The following KMT2A variants were observed in gnomAD, a reference collection of about 807,000 sequenced individuals.
The protein encoded by KMT2A is lysine methyltransferase 2A.
KMT2A carries 16 observed loss-of-function variants against 345.3 expected under a neutral mutation model. That is an observed-to-expected ratio of 0.05 (90% CI 0.03 to 0.07). The LOEUF (loss-of-function observed/expected upper bound fraction) is 0.07, where lower values mean the gene tolerates loss of function less well. Ranked by LOEUF, KMT2A falls within the 10% of genes least tolerant of loss-of-function variation. The pLI, the probability that KMT2A is intolerant of heterozygous loss-of-function variation, is 1.00. For missense variants in KMT2A, 3,272 were observed against 4,841.6 expected, an observed-to-expected ratio of 0.68 and a Z score of 9.62; for synonymous variants, 1,599 against 1,778.6, an observed-to-expected ratio of 0.90 and a Z score of 2.54.
Position 118,505,041 on chromosome 11 carries a change from T to C in KMT2A, c.9149T>C (p.Val3050Ala), listed in dbSNP as rs781959523. The change falls in exon 27 of 36, where the codon GTG becomes GCG. Residue 3050 changes from valine to alanine, a missense_variant. Coordinates refer to ENST00000534358, the MANE Select transcript of KMT2A (RefSeq NM_001197104.2). The surrounding 1 kb of genome is among the most constrained non-coding windows in gnomAD (Gnocchi z 4.6). ...GTTCCCATCCAGAACCAGAAGTATG[T>C]GCCCAATTCTACTGATAGTCCTGGC... ...PTVPIQNQKY[V>A]PNSTDSPGPS... 6.2e-6 allele frequency: 10 copies of C among 1,614,020 alleles called. No individual in the cohort carries two copies. The highest frequency in any genetic ancestry group is 5.5e-5 in the South Asian group (5 of 91,080).
chr11:118,445,061 T>C (rs1250407096), intron 1 of KMT2A, among the ~76,000 whole-genome samples: 1 of 152,078 alleles, frequency 6.6e-6, no homozygotes, highest in East Asian at 1.9e-4. Flanking sequence ...GTTATAATCT[T>C]TTTTTTTCAT....
intron 3 of KMT2A, among the ~76,000 whole-genome samples, chr11:118,474,810 A>C (rs1458709982): frequency 6.6e-6 from 1 of 152,198 alleles, no homozygotes; most frequent in African/African-American, 2.4e-5. Flanking sequence ...GCAATAGATA[A>C]TATGTTTTTG....
chr11:118,501,576 G>C, intron 25 of KMT2A, 96 bp from the exon 26 acceptor site: 1 of 1,063,436 alleles, frequency 9.4e-7, no homozygotes, highest in Non-Finnish European at 1.4e-6. Flanking sequence ...TTTGCTTCTA[G>C]TTTTACATTT....
Position 118,505,343 on chromosome 11 carries a change from T to C in KMT2A, c.9451T>C (p.Ser3151Pro), listed in dbSNP as rs1555047693. The C allele has an allele frequency of 6.2e-7, 1 of 1,614,068 alleles. No homozygotes were observed. The highest frequency in any genetic ancestry group is 1.3e-5 in the African/African-American group (1 of 74,926). The change falls in exon 27 of 36, where the codon TCT becomes CCT. Residue 3151 changes from serine to proline, a missense_variant. Ser to Pro is a moderately conservative substitution (Grantham distance 74, BLOSUM62 -1). This residue lies in a region of KMT2A where 748 missense variants were observed against 922.2 expected (regional missense o/e 0.81). Transcript: ENST00000534358. The surrounding 1 kb of genome is among the most constrained non-coding windows in gnomAD (Gnocchi z 4.6). The stretch of plus-strand genomic sequence containing the variant: ...GCCAACTTCTCAATCTTTGTTCCCT[T>C]CTGCTAGCAAAGGATTGCTACCCAT... ...SLPTSQSLFP[S>P]ASKGLLPMSH...
At position 118,484,958 on chromosome 11, in the gene KMT2A, A is replaced by G. The variant is rs1555040470; in HGVS notation, c.4315A>G (p.Ser1439Gly). Residue 1439 changes from serine (S) to glycine (G), a missense_variant, in exon 10 of 36, where the codon AGT becomes GGT. Around this residue, in one of 27 missense-constraint regions of KMT2A, gnomAD observed 120 missense variants for 280.4 expected, o/e 0.43. Transcript: ENST00000534358. The surrounding 1 kb of genome is among the most constrained non-coding windows in gnomAD (Gnocchi z 4.1). ...CAGGGTGGTTTGCTTTCTCTGTGCC[A>G]GTAGTGGGCATGTAGAGGTAAGGCA... The part of the protein sequence containing the change: ...TPRVVCFLCA[S>G]SGHVEFVYCQ... 6.2e-7 allele frequency: 1 copy of G among 1,608,596 alleles called. No individual in the cohort carries two copies.
In KMT2A at chr11:118,451,776, C is replaced by T. The variant is rs1555029031; in HGVS notation, c.432+14832C>T. Among the ~76,000 whole-genome samples the T allele has an allele frequency of 2.0e-5, 3 of 151,692 alleles. No individual in the cohort carries two copies. In the South Asian group the frequency reaches 6.2e-4, roughly 32 times the overall value. On this transcript the variant is annotated intron_variant, in intron 1 of 35. Coordinates refer to ENST00000534358, the MANE Select transcript of KMT2A (RefSeq NM_001197104.2). ...CAAAGTGCTGGGATTATAGGTGCGA[C>T]CCACCATGCCCAGCCTCTCATTCTT...
chr11:118,468,647 A>G lies in KMT2A; in HGVS notation c.433-128A>G, dbSNP rs1379636283. 7 of 692,064 alleles carry G rather than the reference A, an allele frequency of 1.0e-5. No homozygotes were observed. The African/African-American group carries it at 1.2e-4, about 12-fold the overall frequency. 42.9% of individuals were successfully genotyped at this position (692,064 alleles called of 1,614,324 possible). A position where few individuals can be genotyped will look rare whatever the true frequency, so the allele number is the denominator to read the frequency against. On this transcript the variant is annotated intron_variant, in intron 1 of 35. Transcript: ENST00000534358. ...TTAGTTATTTTATAGTATCCATTGG[A>G]ATGATGATAATTAATATATAAAGGC...
chr11:118,517,971 A>G (rs1354481557), intron 31 of KMT2A, among the ~76,000 whole-genome samples: 1 of 152,134 alleles, frequency 6.6e-6, no homozygotes, highest in African/African-American at 2.4e-5. Flanking sequence ...TTCATCTGCT[A>G]TTTCCTCTGC....
At chr11:118,499,239 C>G in intron 22 of KMT2A, 64 bp from the exon 23 acceptor site, 2 of 1,003,944 alleles carry the variant, frequency 2.0e-6, no homozygotes. Context: ...CTGAGACAGT[C>G]AGGATCATAA....
rs1950379661 is a variant in KMT2A at position 118,494,864 on chromosome 11, C to G, written c.5363+97C>G. On this transcript the variant is annotated intron_variant, in intron 18 of 35. Transcript: ENST00000534358. This position sits in a 1 kb window ranked among gnomAD's most constrained non-coding sequence, Gnocchi z 5.8. ...TGCAGTTTTCCAAAAGGTTTTAATA[C>G]TAGAAATGAATTGGTTGAAATGCCT... The G allele has an allele frequency of 6.4e-6, 6 of 935,310 alleles. No individual in the cohort carries two copies. In the South Asian group the frequency reaches 8.8e-5, roughly 14 times the overall value. 57.9% of individuals were successfully genotyped at this position (935,310 alleles called of 1,614,324 possible). A position where few individuals can be genotyped will look rare whatever the true frequency, so the allele number is the denominator to read the frequency against.
At chr11:118,439,680 A>G (rs1259770987) in intron 1 of KMT2A, among the ~76,000 whole-genome samples, 1 of 152,226 alleles carries the variant, frequency 6.6e-6, no homozygotes, top group Non-Finnish European at 1.5e-5. Context: ...TTCAAATAGG[A>G]TCATATTTAT....
intron 3 of KMT2A, among the ~76,000 whole-genome samples, chr11:118,474,635 A>G (rs78316802): frequency 2.0e-5 from 3 of 152,340 alleles, no homozygotes; most frequent in East Asian, 3.9e-4. Flanking sequence ...GGTTGGGACT[A>G]TATCACAGAG....
intron 1 of KMT2A, chr11:118,439,056 C>G (rs1555139499): frequency 1.9e-6 from 1 of 513,776 alleles, no homozygotes; most frequent in East Asian, 5.5e-5. Flanking sequence ...GTTGGAGAAC[C>G]AAAGGCCACA....
chr11:118,519,077 C>CAAAAA (rs11443977), intron 31 of KMT2A, among the ~76,000 whole-genome samples: 11 of 66,408 alleles, frequency 1.7e-4, no homozygotes, highest in South Asian at 8.3e-4. Context: ...GACTCCATCT[C>CAAAAA]AAAAAAAAAA....
At position 118,490,463 on chromosome 11, in the gene KMT2A, A is replaced by G. The variant is rs1265292629; in HGVS notation, c.4696+214A>G. 2.6e-5 allele frequency among the ~76,000 whole-genome samples: 4 copies of G among 152,214 alleles called. No homozygotes were observed. The highest frequency in any genetic ancestry group is 9.6e-5 in the African/African-American group (4 of 41,466). On this transcript the variant is annotated intron_variant, in intron 13 of 35. Coordinates refer to ENST00000534358, the MANE Select transcript of KMT2A (RefSeq NM_001197104.2). This position sits in a 1 kb window ranked among gnomAD's most constrained non-coding sequence, Gnocchi z 4.2. The stretch of plus-strand genomic sequence containing the variant: ...TTAAGGGGACTTTTCATTATAACTA[A>G]CCACAAAGAAATCCTCTAAGCTAGT...
chr11:118,477,231 G>A (rs574151523), intron 4 of KMT2A, among the ~76,000 whole-genome samples: 2 of 152,314 alleles, frequency 1.3e-5, no homozygotes, highest in African/African-American at 4.8e-5. Context: ...AGCAGGGGAA[G>A]GAAGGCAGAA....
At chr11:118,514,695 G>A (rs1160552595) in intron 31 of KMT2A, among the ~76,000 whole-genome samples, 23 of 151,900 alleles carry the variant, frequency 1.5e-4, no homozygotes, top group Admixed American at 1.4e-3. Flanking sequence ...GTGCAATGGC[G>A]CAATCTCGGT....
chr11:118,509,907 G>A (rs782506181), intron 29 of KMT2A, 41 bp from the exon 30 acceptor site: 6 of 1,476,796 alleles, frequency 4.1e-6, no homozygotes, highest in South Asian at 2.5e-5. Context: ...TGCTCAGTGA[G>A]CATTTGTTAC....
chr11:118,509,235 T>C, intron 29 of KMT2A, 35 bp downstream of exon 29: 2 of 1,505,972 alleles, frequency 1.3e-6, no homozygotes, highest in Non-Finnish European at 1.8e-6. Flanking sequence ...AATCAGAGAA[T>C]ATCAATGCTA....
Sources: allele counts gnomAD v4.1 joint callset (sites outside exome capture counted in the v4.1 genomes callset), GRCh38; gene constraint gnomAD v4.1.1; regional missense constraint gnomAD v4.1.1; non-coding constraint Gnocchi (gnomAD v3.1); transcripts MANE v1.5; gene names NCBI Gene and HGNC (gene_info 2026-07-23, HGNC 2026-07-21).